The following RBM4 variants were observed in gnomAD, a reference collection of about 807,000 sequenced individuals.
The protein encoded by RBM4 is RNA-binding protein 4.
Under a neutral mutation model 29.5 loss-of-function variants are expected in RBM4, and 7 were observed. The observed-to-expected ratio is 0.24, with a 90% CI of 0.14 to 0.45. The LOEUF (loss-of-function observed/expected upper bound fraction) is 0.45, where lower values mean the gene tolerates loss of function less well. Among genes scored for constraint, RBM4 ranks in the 20% least tolerant of loss-of-function variants. The pLI, the probability that RBM4 is intolerant of heterozygous loss-of-function variation, is 1.00. For missense variants in RBM4, 387 were observed against 502.3 expected (o/e 0.77, Z 2.19); for synonymous variants, 220 against 205.4 (o/e 1.07, Z -0.61).
Position 66,639,754 on chromosome 11 carries a change from G to A in RBM4, c.43G>A (p.Glu15Lys). ...CGGAAACCTGCCCCGGGAGGCTACA[G>A]AGCAGGAGATTCGCTCACTCTTCGA... is the stretch of plus-strand genomic sequence containing the variant. ...FIGNLPREATEQEIRSLFEQY... is the reference protein window; with the variant it reads ...FIGNLPREATKQEIRSLFEQY... Residue 15 changes from glutamate to lysine, a missense_variant, in exon 2 of 4, where the codon GAG (glutamate) becomes AAG (lysine). Transcript: ENST00000310092. 6 of 1,614,178 alleles carry A rather than the reference G, an allele frequency of 3.7e-6. No homozygotes were observed. The highest frequency in any genetic ancestry group is 1.7e-6 in the Non-Finnish European group (2 of 1,180,014).
rs1938689591 is a variant in RBM4, at chr11:66,646,314, C to T, written c.*296C>T. On this transcript the variant is annotated 3_prime_UTR_variant, in exon 4 of 4. Coordinates refer to ENST00000310092, the MANE Select transcript of RBM4 (RefSeq NM_002896.4). ...GAAACTGTGGTGGGGGCTGTGCTGT[C>T]TCCTCCCTGCCTCCTGCCTCCTGCG... The T allele has an allele frequency of 1.5e-6, 2 of 1,313,734 alleles. No individual in the cohort carries two copies. Among genetic ancestry groups the T allele is most frequent in the African/African-American group, 1.5e-5 (1 of 67,408 alleles). The allele number at this position is 1,313,734 out of a possible 1,614,324, so 81.4% of individuals were successfully genotyped here.
In RBM4 at chr11:66,643,843, T is replaced by A. The variant is rs558130245; in HGVS notation, c.806T>A (p.Leu269His). ...GCCAGTCACCTCACCTCCACCTCTC[T>A]CGATCCCTACGATAGACACCTGTTG... Reference protein sequence around the residue: ...AMASHLTSTSLDPYDRHLLPT... With the variant: ...AMASHLTSTSHDPYDRHLLPT... The change falls in exon 3 of 4, where the codon CTC (leucine) becomes CAC (histidine). Residue 269 changes from leucine (L) to histidine (H), a missense_variant. Leu to His is a moderately conservative substitution (Grantham distance 99, BLOSUM62 -3). Transcript: ENST00000310092. This position sits in a 1 kb window ranked among gnomAD's most constrained non-coding sequence, Gnocchi z 6.1. 27 of 1,613,696 alleles carry A rather than the reference T, an allele frequency of 1.7e-5. No individual in the cohort carries two copies. In the South Asian group the frequency reaches 3.0e-4, roughly 18 times the overall value.
At chr11:66,666,222 G>A (rs1363763984) in exon 3 of RBM4, 16 of 890,564 alleles carry the variant, frequency 1.8e-5, no homozygotes, top group Non-Finnish European at 2.4e-5. Context: ...TTCTATTGAT[G>A]ATGGGAACTC....
downstream of RBM4, among the ~76,000 whole-genome samples, chr11:66,647,590 A>G (rs1938728278): frequency 6.6e-6 from 1 of 152,036 alleles, no homozygotes; most frequent in Non-Finnish European, 1.5e-5. Context: ...TTTTTCTCTA[A>G]AGGACAGACC....
At chr11:66,652,092 G>GCAAA (rs1211314159) in intron 2 of RBM4, among the ~76,000 whole-genome samples, 1 of 151,992 alleles carries the variant, frequency 6.6e-6, no homozygotes, top group African/African-American at 2.4e-5. Flanking sequence ...ACGTATAAGA[G>GCAAA]CAAAACTCAT....
chr11:66,658,448 G>A (rs765823319), intron 2 of RBM4, among the ~76,000 whole-genome samples: 8 of 139,602 alleles, frequency 5.7e-5, no homozygotes, highest in East Asian at 2.3e-4. Context: ...GGTTTCTCCC[G>A]CCAGGGATGT....
intron 2 of RBM4, among the ~76,000 whole-genome samples, chr11:66,658,889 A>G (rs1005539379): frequency 2.6e-5 from 4 of 151,412 alleles, no homozygotes; most frequent in African/African-American, 9.7e-5. Flanking sequence ...TTGAGCCAAG[A>G]TTGGGCCACG....
intron 2 of RBM4, chr11:66,665,384 G>A: frequency 1.6e-6 from 1 of 616,104 alleles, no homozygotes; most frequent in Non-Finnish European, 2.9e-6. Flanking sequence ...GGAACAGAGT[G>A]AAAGGCTACA....
downstream of RBM4, among the ~76,000 whole-genome samples, chr11:66,648,120 C>T (rs1265564164): frequency 1.3e-5 from 2 of 152,072 alleles, no homozygotes; most frequent in Non-Finnish European, 2.9e-5. Flanking sequence ...GCAGGAGAAT[C>T]GCTTGAACCC....
exon 3 of RBM4, chr11:66,668,369 C>T: frequency 2.2e-6 from 1 of 454,898 alleles, no homozygotes; most frequent in Non-Finnish European, 3.9e-6. Context: ...AAAGAATGTT[C>T]TCACTAACAA....
Position 66,646,113 on chromosome 11 carries a change from G to A in RBM4, c.*95G>A, listed in dbSNP as rs570376732. 23 of 1,534,850 alleles carry A rather than the reference G, an allele frequency of 1.5e-5. No homozygotes were observed. In the East Asian group the frequency reaches 5.6e-4, roughly 38 times the overall value. On this transcript the variant is annotated 3_prime_UTR_variant, in exon 4 of 4. Coordinates refer to ENST00000310092, the MANE Select transcript of RBM4 (RefSeq NM_002896.4). Reference sequence around the variant, plus strand: ...GTACCCCATCTCCGGGACGTTCTCGGCTCTGTGCGTTCAGTCCCTCAGGAA... The same window carrying A: ...GTACCCCATCTCCGGGACGTTCTCGACTCTGTGCGTTCAGTCCCTCAGGAA...
downstream of RBM4, among the ~76,000 whole-genome samples, chr11:66,646,801 C>G (rs1385942600): frequency 6.6e-6 from 1 of 152,192 alleles, no homozygotes; most frequent in Non-Finnish European, 1.5e-5. Flanking sequence ...GTCAGTGTAT[C>G]TAGCTTAACT....
downstream of RBM4, among the ~76,000 whole-genome samples, chr11:66,650,526 G>A (rs1938802733): frequency 6.6e-6 from 1 of 151,360 alleles, no homozygotes; most frequent in Non-Finnish European, 1.5e-5. Context: ...AGCTGAGATT[G>A]CGCCATTGAA....
Position 66,643,769 on chromosome 11 carries a change from C to T in RBM4, c.732C>T (p.Tyr244=), listed in dbSNP as rs376541870. ...CTGCAGCTGCCTCCGTGTATAATTA[C>T]GCAGAGCAGACCCTGTCCCAGCTGC... ...VAAAAASVYN[Y]AEQTLSQLPQ... Residue 244 remains tyrosine, a synonymous_variant, in exon 3 of 4, where the codon TAC becomes TAT. Coordinates refer to ENST00000310092, the MANE Select transcript of RBM4 (RefSeq NM_002896.4). The surrounding 1 kb of genome is among the most constrained non-coding windows in gnomAD (Gnocchi z 6.1). 1.3e-4 allele frequency: 206 copies of T among 1,614,018 alleles called. No homozygotes were observed. The South Asian group carries it at 1.4e-3, about 11-fold the overall frequency.
chr11:66,646,573 C>A (rs184985029), downstream of RBM4: 1 of 983,102 alleles, frequency 1.0e-6, no homozygotes, highest in South Asian at 4.7e-5. Flanking sequence ...TTTGGGTGAA[C>A]GTCACTGTAG....
downstream of RBM4, chr11:66,646,611 G>A (rs998062679): frequency 2.1e-6 from 2 of 958,390 alleles, no homozygotes; most frequent in East Asian, 1.2e-4. Flanking sequence ...AGTAGGACTT[G>A]TAGGTGCCAG....
chr11:66,654,373 G>A (rs1456587325), intron 2 of RBM4, among the ~76,000 whole-genome samples: 2 of 151,930 alleles, frequency 1.3e-5, no homozygotes, highest in Non-Finnish European at 2.9e-5. Context: ...GCGGGCGCCT[G>A]TAGTCCCAGC....
chr11:66,645,886 T>C, intron 3 of RBM4, 141 bp from the exon 4 acceptor site: 1 of 1,428,130 alleles, frequency 7.0e-7, no homozygotes, highest in South Asian at 1.4e-5. Context: ...TGTTAGAGAT[T>C]ACTGTGATAC....
At chr11:66,666,496 G>A in exon 3 of RBM4, 1 of 975,158 alleles carries the variant, frequency 1.0e-6, no homozygotes, top group Non-Finnish European at 1.2e-6. Flanking sequence ...GTTCACACCT[G>A]GAAGGTAAGT....
Sources: gnomAD v4.1 joint callset for allele counts (sites outside exome capture counted in the v4.1 genomes callset) on GRCh38, gnomAD v4.1.1 for gene constraint, Gnocchi (gnomAD v3.1) non-coding constraint, MANE v1.5 for transcripts, NCBI Gene and HGNC (gene_info 2026-07-23, HGNC 2026-07-21) for gene names.